The following GPR39 variants were observed in gnomAD, a reference collection of about 807,000 sequenced individuals.
GPR39 encodes zinc sensing receptor.
GPR39 carries 23 observed loss-of-function variants against 18.4 expected under a neutral mutation model. The ratio of observed to expected loss-of-function variants is 1.25; its 90% CI spans 0.90 to 1.77. The LOEUF is 1.77. Among genes scored for constraint, GPR39 ranks in the 40% most tolerant of loss-of-function variants. GPR39 has a pLI of 0.00. For synonymous variants in GPR39, 280 were observed against 257.9 expected (o/e 1.09, Z -0.82); for missense variants, 647 against 602.4 (o/e 1.07, Z -0.78).
chr2:132,471,471 G>T (rs1279953594), intron 1 of GPR39, among the ~76,000 whole-genome samples: 8 of 152,222 alleles, frequency 5.3e-5, no homozygotes, highest in Admixed American at 5.2e-4. Flanking sequence ...AGTATGTGGG[G>T]TTAGGATGCA....
intron 1 of GPR39, among the ~76,000 whole-genome samples, chr2:132,443,882 C>A (rs1680481877): frequency 6.6e-6 from 1 of 152,148 alleles, no homozygotes; most frequent in Admixed American, 6.5e-5. Context: ...CCAACCTGGG[C>A]AACATAGGGA....
chr2:132,613,976 A>T (rs1681282745), intron 1 of GPR39, among the ~76,000 whole-genome samples: 1 of 152,354 alleles, frequency 6.6e-6, no homozygotes, highest in Middle Eastern at 3.4e-3. Flanking sequence ...GCTCCTTGTT[A>T]TAAGAAACTG....
At chr2:132,481,430 G>A (rs955828499) in intron 1 of GPR39, among the ~76,000 whole-genome samples, 2 of 152,272 alleles carry the variant, frequency 1.3e-5, no homozygotes, top group Admixed American at 1.3e-4. Context: ...ATTGAGAAGT[G>A]TCTTTTTAGT....
intron 1 of GPR39, among the ~76,000 whole-genome samples, chr2:132,621,539 G>A (rs1681442092): frequency 6.6e-6 from 1 of 152,190 alleles, no homozygotes; most frequent in South Asian, 2.1e-4. Flanking sequence ...CTGTGGGAGA[G>A]TCAGTGCCTG....
intron 1 of GPR39, among the ~76,000 whole-genome samples, chr2:132,613,349 C>T (rs1318445435): frequency 6.6e-6 from 1 of 152,138 alleles, no homozygotes; most frequent in Admixed American, 6.5e-5. Flanking sequence ...TTTTTATGTG[C>T]CTCTACATCC....
intron 1 of GPR39, among the ~76,000 whole-genome samples, chr2:132,585,760 C>T (rs1331394887): frequency 2.0e-5 from 3 of 151,994 alleles, no homozygotes; most frequent in Non-Finnish European, 4.4e-5. Flanking sequence ...TTTCTAATAA[C>T]TCCCTCCTGC....
chr2:132,485,734 C>G (rs1681324199), intron 1 of GPR39, among the ~76,000 whole-genome samples: 1 of 152,166 alleles, frequency 6.6e-6, no homozygotes, highest in African/African-American at 2.4e-5. Flanking sequence ...TTCTAGTTCC[C>G]TTACTATTTC....
chr2:132,632,943 G>C (rs1167873773), intron 1 of GPR39, among the ~76,000 whole-genome samples: 2 of 152,066 alleles, frequency 1.3e-5, no homozygotes, highest in African/African-American at 4.8e-5. Context: ...ATAGGTCCAT[G>C]GTCACACAGT....
chr2:132,619,201 T>A (rs1410166638), intron 1 of GPR39, among the ~76,000 whole-genome samples: 3 of 152,204 alleles, frequency 2.0e-5, no homozygotes, highest in East Asian at 3.9e-4. Flanking sequence ...CCCTCTCTTT[T>A]GCCAAGGCCA....
At chr2:132,533,859 T>G (rs1039828913) in intron 1 of GPR39, among the ~76,000 whole-genome samples, 34 of 152,170 alleles carry the variant, frequency 2.2e-4, no homozygotes, top group Admixed American at 5.2e-4. Context: ...GATTAAAGAC[T>G]TACATGTTAG....
At chr2:132,589,286 G>A (rs1487833098) in intron 1 of GPR39, among the ~76,000 whole-genome samples, 4 of 152,020 alleles carry the variant, frequency 2.6e-5, no homozygotes, top group Non-Finnish European at 5.9e-5. Flanking sequence ...CCTCCACATC[G>A]GCTGCCGAGC....
intron 1 of GPR39, among the ~76,000 whole-genome samples, chr2:132,566,781 G>A (rs908636788): frequency 5.3e-5 from 8 of 152,128 alleles, no homozygotes; most frequent in African/African-American, 1.9e-4. Flanking sequence ...ACGTTCCCTG[G>A]TCATTTCCCA....
chr2:132,518,532 C>T lies in GPR39; in HGVS notation c.856+100634C>T, dbSNP rs150025524. Reference sequence around the variant, plus strand: ...GCCCCGTTCATGGGCTCTGTGACAGCTCCGTTCCCTGGTGCAACAACATTT... The same window carrying T: ...GCCCCGTTCATGGGCTCTGTGACAGTTCCGTTCCCTGGTGCAACAACATTT... On this transcript the variant is annotated intron_variant, in intron 1 of 1. Coordinates refer to ENST00000329321, the MANE Select transcript of GPR39 (RefSeq NM_001508.3). 9.6e-4 allele frequency among the ~76,000 whole-genome samples: 146 copies of T among 152,268 alleles called. 1 individual carries two copies. The highest frequency in any genetic ancestry group is 3.4e-3 in the African/African-American group (142 of 41,544).
intron 1 of GPR39, among the ~76,000 whole-genome samples, chr2:132,552,796 ATGTGTGTGTGTGTGTGTGTGTG>A (rs59345614): frequency 6.9e-6 from 1 of 144,904 alleles, no homozygotes; most frequent in Admixed American, 7.0e-5. Flanking sequence ...ATGTGTATAT[ATGTGTGTGTGTGTGTGTGTGTG>A]TATGTATATA....
intron 1 of GPR39, among the ~76,000 whole-genome samples, chr2:132,430,321 T>C (rs1016554175): frequency 2.0e-5 from 3 of 152,110 alleles, no homozygotes; most frequent in Non-Finnish European, 4.4e-5. Context: ...GTGACTCCAA[T>C]GTGTAGCCAG....
At chr2:132,595,045 C>T (rs555722907) in intron 1 of GPR39, among the ~76,000 whole-genome samples, 2 of 152,300 alleles carry the variant, frequency 1.3e-5, no homozygotes, top group South Asian at 4.1e-4. Flanking sequence ...ATTGCTCAGG[C>T]TGGAGTGCAA....
At position 132,603,628 on chromosome 2, in the gene GPR39, G is replaced by A. The variant is rs557154957; in HGVS notation, c.857-41473G>A. 6.8e-5 allele frequency among the ~76,000 whole-genome samples: 10 copies of A among 147,738 alleles called. No individual in the cohort carries two copies. In the East Asian group the frequency reaches 1.2e-3, roughly 17 times the overall value. ...TATACATGTACTGAACTATCACTCT[G>A]TATCTCATAAATATGTACAATTATT... On this transcript the variant is annotated intron_variant, in intron 1 of 1. Transcript: ENST00000329321.
intron 1 of GPR39, among the ~76,000 whole-genome samples, chr2:132,555,134 G>A (rs1333737662): frequency 6.6e-6 from 1 of 151,972 alleles, no homozygotes; most frequent in Non-Finnish European, 1.5e-5. Flanking sequence ...TGTATTTTTA[G>A]TAGAGACGGG....
chr2:132,594,712 G>C (rs1030646726), intron 1 of GPR39, among the ~76,000 whole-genome samples: 4 of 151,904 alleles, frequency 2.6e-5, no homozygotes, highest in African/African-American at 9.7e-5. Flanking sequence ...GAGACACCGA[G>C]ATACCTCTTA....
Sources: allele counts gnomAD v4.1 joint callset (sites outside exome capture counted in the v4.1 genomes callset), GRCh38; gene constraint gnomAD v4.1.1; transcripts MANE v1.5; gene names NCBI Gene and HGNC (gene_info 2026-07-23, HGNC 2026-07-21).